The following MYOM2 variants were observed in gnomAD, a reference collection of about 807,000 sequenced individuals.
The protein encoded by MYOM2 is myomesin 2.
MYOM2 carries 254 observed loss-of-function variants against 187.6 expected under a neutral mutation model. The observed-to-expected ratio is 1.35, with a 90% CI of 1.22 to 1.50. The LOEUF is 1.50. MYOM2 is among the 40% of genes most tolerant of loss of function. MYOM2 has a pLI of 0.00. For synonymous variants in MYOM2, 981 were observed against 753.8 expected (o/e 1.30, Z -4.94); for missense variants, 2,796 against 1,924.0 (o/e 1.45, Z -8.48).
intron 28 of MYOM2, 133 bp from the exon 29 acceptor site, chr8:2,123,119 C>T (rs113186031): frequency 4.2e-4 from 220 of 528,164 alleles, no homozygotes; most frequent in African/African-American, 3.7e-3. Context: ...CATAAGCCTT[C>T]GTCTGAGACT....
At chr8:2,093,001 G>C (rs1354244542) in intron 16 of MYOM2, among the ~76,000 whole-genome samples, 2 of 152,174 alleles carry the variant, frequency 1.3e-5, no homozygotes, top group East Asian at 3.9e-4. Flanking sequence ...TGCTTTGCAG[G>C]GGAAAGCCAG....
At chr8:2,085,150 A>G (rs1343720355) in intron 13 of MYOM2, 113 bp from the exon 14 acceptor site, 15 of 1,352,018 alleles carry the variant, frequency 1.1e-5, no homozygotes, top group Non-Finnish European at 1.5e-5. Flanking sequence ...TTCCCCAAAT[A>G]GAAACAAAAC....
chr8:2,123,793 T>A (rs1797540771), intron 30 of MYOM2, 151 bp downstream of exon 30: 1 of 696,120 alleles, frequency 1.4e-6, no homozygotes, highest in South Asian at 2.0e-5. Context: ...ATTTGTTCTT[T>A]GGTTGCTTTC....
chr8:2,129,049 C>T (rs1585958695), intron 31 of MYOM2, 78 bp from the exon 32 acceptor site: 17 of 1,064,762 alleles, frequency 1.6e-5, no homozygotes, highest in East Asian at 9.8e-5. Context: ...GACAGGAGGG[C>T]TTGCCGCCGC....
intron 9 of MYOM2, among the ~76,000 whole-genome samples, chr8:2,072,983 C>T (rs945990250): frequency 1.3e-5 from 2 of 152,200 alleles, no homozygotes; most frequent in African/African-American, 4.8e-5. Context: ...GCTGCACACC[C>T]CTGTAATCCC....
chr8:2,139,891 CTAAACTT>C (rs1798216220), intron 32 of MYOM2, among the ~76,000 whole-genome samples: 1 of 152,158 alleles, frequency 6.6e-6, no homozygotes, highest in Non-Finnish European at 1.5e-5. Context: ...TTGTTTTTAT[CTAAACTT>C]TAAAATATTG....
In MYOM2 at chr8:2,096,282, A is replaced by C; in HGVS notation, c.2161A>C (p.Asn721His). ...CCATCCTTATGGGATTACGCTCCTC[A>C]ACTGTGACGGCCACTCCATGACCCT... is the stretch of plus-strand genomic sequence containing the variant. ...PSHPYGITLLNCDGHSMTLGW... is the reference protein window; with the variant it reads ...PSHPYGITLLHCDGHSMTLGW... The change falls in exon 18 of 37, where the codon AAC (asparagine) becomes CAC (histidine). Residue 721 changes from asparagine to histidine, a missense_variant. Physicochemically the swap from Asn to His is moderately conservative, Grantham distance 68. Transcript: ENST00000262113. 1 of 1,614,066 alleles carries C rather than the reference A, an allele frequency of 6.2e-7. No homozygotes were observed. The highest frequency in any genetic ancestry group is 8.5e-7 in the Non-Finnish European group (1 of 1,180,008).
In MYOM2 at chr8:2,100,121, C is replaced by CT. The variant is rs1188836102; in HGVS notation, c.2441-753dup. Among the ~76,000 whole-genome samples, 11 of 76,924 alleles carry CT rather than the reference C, an allele frequency of 1.4e-4. 1 individual carries two copies. The highest frequency in any genetic ancestry group is 4.6e-4 in the African/African-American group (10 of 21,606). 50.5% of individuals were successfully genotyped at this position (76,924 alleles called of 152,430 possible). ...CCTTCCTTCCTTCTTTCTTTCCTTC[C>CT]TTCCTTCTTTCCTTCCTTCCTTCCT... On this transcript the variant is annotated intron_variant, in intron 19 of 36. Transcript: ENST00000262113.
rs555569390 is a variant in MYOM2, at chr8:2,129,111, G to A, written c.3695-16G>A. 1,136 of 1,584,850 alleles carry A rather than the reference G, an allele frequency of 7.2e-4. 15 individuals carry two copies. The South Asian group carries it at 0.012, about 17-fold the overall frequency. ...CACTCCTTTTCCTAGATCTGAGGAT[G>A]TTTTATTTTCTGCAGGGAAATCTGC... On this transcript the variant is annotated splice_polypyrimidine_tract_variant and intron_variant, in intron 31 of 36. Transcript: ENST00000262113.
intron 32 of MYOM2, among the ~76,000 whole-genome samples, chr8:2,131,440 G>T (rs1797863138): frequency 1.3e-5 from 2 of 151,772 alleles, no homozygotes; most frequent in African/African-American, 4.8e-5. Context: ...CAGTGAAGAG[G>T]GTGGGTCCTA....
chr8:2,114,262 G>A (rs899966818), intron 25 of MYOM2, among the ~76,000 whole-genome samples: 4 of 152,212 alleles, frequency 2.6e-5, no homozygotes, highest in African/African-American at 9.6e-5. Context: ...CAGCAGAGAG[G>A]CAGGTAGTCC....
At chr8:2,138,341 C>T (rs572310339) in intron 32 of MYOM2, among the ~76,000 whole-genome samples, 1 of 152,228 alleles carries the variant, frequency 6.6e-6, no homozygotes, top group Non-Finnish European at 1.5e-5. Flanking sequence ...GCAGCCCATG[C>T]TGACTGTGGA....
intron 6 of MYOM2, among the ~76,000 whole-genome samples, chr8:2,062,881 C>T (rs371682715): frequency 1.3e-5 from 2 of 152,160 alleles, no homozygotes; most frequent in South Asian, 2.1e-4. Flanking sequence ...AAAAACGTTG[C>T]GTTGACATCG....
chr8:2,140,391 A>C (rs1457642200), intron 32 of MYOM2, among the ~76,000 whole-genome samples: 1 of 57,102 alleles, frequency 1.8e-5, no homozygotes, highest in South Asian at 4.3e-4. Flanking sequence ...TCGGATCTAC[A>C]CAAGTAATTG....
rs576742883 is a variant in MYOM2 at position 2,115,827 on chromosome 8, T to C, written c.3181-133T>C. On this transcript the variant is annotated intron_variant, in intron 25 of 36. Coordinates refer to ENST00000262113, the MANE Select transcript of MYOM2 (RefSeq NM_003970.4). ...CTTGTTCACCCAGAGGTTTCCTTGA[T>C]AAAATTTCATTTTGGTTTCTTCCTA... 13 of 1,000,724 alleles carry C rather than the reference T, an allele frequency of 1.3e-5. No homozygotes were observed. The East Asian group carries it at 2.6e-4, about 20-fold the overall frequency. The allele number at this position is 1,000,724 out of a possible 1,614,324, so 62.0% of individuals were successfully genotyped here. A position where few individuals can be genotyped will look rare whatever the true frequency, so the allele number is the denominator to read the frequency against.
In MYOM2 at chr8:2,123,623, C is replaced by T. The variant is rs746197064; in HGVS notation, c.3636C>T (p.Ile1212=). Residue 1212 remains isoleucine (I), a synonymous_variant, in exon 30 of 37, where the codon ATC becomes ATT. Coordinates refer to ENST00000262113, the MANE Select transcript of MYOM2 (RefSeq NM_003970.4). ...ATGACAGAGGCCAAGATGTGTCCAT[C>T]CTTGAAATAGCTGGCAAAGGTAAAA... ...LKDDRGQDVS[I]LEIAGKVYDD... 6 of 1,614,150 alleles carry T rather than the reference C, an allele frequency of 3.7e-6. No individual in the cohort carries two copies. In the South Asian group the frequency reaches 5.5e-5, roughly 15 times the overall value.
At chr8:2,067,778 A>T (rs1444796873) in intron 6 of MYOM2, among the ~76,000 whole-genome samples, 1 of 151,980 alleles carries the variant, frequency 6.6e-6, no homozygotes, top group Non-Finnish European at 1.5e-5. Context: ...TTTCCCAGGG[A>T]TAAACACACA....
rs1796043204 is a variant in MYOM2, at chr8:2,086,305, C to CCCACTGTCATGATCTCTGGCA, written c.1644+917_1644+918insACTGTCATGATCTCTGGCACC. 1.3e-3 allele frequency among the ~76,000 whole-genome samples: 163 copies of CCCACTGTCATGATCTCTGGCA among 122,450 alleles called. 39 individuals are homozygous for CCCACTGTCATGATCTCTGGCA. Among genetic ancestry groups the CCCACTGTCATGATCTCTGGCA allele is most frequent in the East Asian group, 1.9e-3 (7 of 3,754 alleles). 80.3% of individuals were successfully genotyped at this position (122,450 alleles called of 152,430 possible). ...CCCACTGTCGTGATCTCCGCGTGGC[C>CCCACTGTCATGATCTCTGGCA]CCCCACAGTCGTGATCTCTGCGTGG... On this transcript the variant is annotated intron_variant, in intron 14 of 36. Transcript: ENST00000262113.
chr8:2,053,818 C>G (rs1431469221), intron 3 of MYOM2, among the ~76,000 whole-genome samples: 1 of 152,228 alleles, frequency 6.6e-6, no homozygotes, highest in Non-Finnish European at 1.5e-5. Flanking sequence ...GGCTCATGCT[C>G]TCCATGAGAT....
Sources: gnomAD v4.1 joint callset for allele counts (sites outside exome capture counted in the v4.1 genomes callset) on GRCh38, gnomAD v4.1.1 for gene constraint, MANE v1.5 for transcripts, NCBI Gene and HGNC (gene_info 2026-07-23, HGNC 2026-07-21) for gene names.